The following CDH2 variants were observed in gnomAD, a reference collection of about 807,000 sequenced individuals.
CDH2 encodes cadherin 2.
Under a neutral mutation model 92.0 loss-of-function variants are expected in CDH2, and 17 were observed. The observed-to-expected ratio is 0.18, with a 90% CI of 0.13 to 0.28. The LOEUF (loss-of-function observed/expected upper bound fraction) is 0.28, where lower values mean the gene tolerates loss of function less well. Ranked by LOEUF, CDH2 falls within the 10% of genes least tolerant of loss-of-function variation. The pLI, the probability that CDH2 is intolerant of heterozygous loss-of-function variation, is 1.00. For synonymous variants in CDH2, 419 were observed against 415.9 expected, an observed-to-expected ratio of 1.01 and a Z score of -0.09; for missense variants, 862 against 1,133.1, an observed-to-expected ratio of 0.76 and a Z score of 3.44.
intron 14 of CDH2, among the ~76,000 whole-genome samples, chr18:27,970,210 C>G (rs2011622920): frequency 6.6e-6 from 1 of 152,070 alleles, no homozygotes; most frequent in African/African-American, 2.4e-5. Context: ...AGTTACATTC[C>G]TATAAAGAGA....
At chr18:28,056,447 C>T (rs752415130) in intron 2 of CDH2, among the ~76,000 whole-genome samples, 1 of 152,050 alleles carries the variant, frequency 6.6e-6, no homozygotes, top group Non-Finnish European at 1.5e-5. Flanking sequence ...TGTTTTATCA[C>T]GATGAATCCT....
At chr18:28,172,817 T>C (rs1269577857) in intron 1 of CDH2, among the ~76,000 whole-genome samples, 1 of 152,144 alleles carries the variant, frequency 6.6e-6, no homozygotes, top group East Asian at 1.9e-4. Context: ...ACAACACTTC[T>C]TAAATAACAG....
At chr18:27,936,329 A>G (rs1288628603) in intron 6 of CDH2, among the ~76,000 whole-genome samples, 1 of 152,200 alleles carries the variant, frequency 6.6e-6, no homozygotes, top group Non-Finnish European at 1.5e-5. Flanking sequence ...GCCATGGTGC[A>G]TATTCATGAG....
chr18:27,938,058 C>T (rs1909058006), intron 6 of CDH2, among the ~76,000 whole-genome samples: 1 of 151,846 alleles, frequency 6.6e-6, no homozygotes, highest in African/African-American at 2.4e-5. Context: ...TTTTTGCTGT[C>T]CTCGCGATAG....
chr18:28,001,558 T>C (rs1372989975), intron 7 of CDH2, among the ~76,000 whole-genome samples: 3 of 152,202 alleles, frequency 2.0e-5, no homozygotes, highest in Non-Finnish European at 4.4e-5. Context: ...AAAAATAGTA[T>C]TTCATATAGC....
At chr18:28,059,609 C>T (rs647733) in intron 2 of CDH2, among the ~76,000 whole-genome samples, 82,063 of 152,058 alleles carry the variant, frequency 0.54, 22,929 homozygotes, top group African/African-American at 0.69. Context: ...CAGAGTTCTC[C>T]GAACCTGTTC....
At chr18:28,154,898 C>A (rs931544019) in intron 1 of CDH2, among the ~76,000 whole-genome samples, 1 of 152,176 alleles carries the variant, frequency 6.6e-6, no homozygotes, top group African/African-American at 2.4e-5. Context: ...TTCTTTCTGG[C>A]TCTGAAGACT....
chr18:28,027,511 CTTCT>C (rs1455897393), intron 2 of CDH2, among the ~76,000 whole-genome samples: 1 of 151,760 alleles, frequency 6.6e-6, no homozygotes, highest in Admixed American at 6.6e-5. Flanking sequence ...CTATGTTATT[CTTCT>C]TTAATACAAA....
chr18:27,968,419 AG>A (rs559829075), intron 14 of CDH2, among the ~76,000 whole-genome samples: 106 of 152,294 alleles, frequency 7.0e-4, no homozygotes, highest in Non-Finnish European at 1.2e-3. Context: ...GAAGTGCTGG[AG>A]GGGGGAGTTT....
chr18:28,008,881 T>A (rs951372082), intron 5 of CDH2, among the ~76,000 whole-genome samples: 1 of 152,222 alleles, frequency 6.6e-6, no homozygotes, highest in South Asian at 2.1e-4. Context: ...AGTGATTAAG[T>A]GTAGATGATG....
rs1429699775 is a variant in CDH2 at position 28,013,756 on chromosome 18, T to C, written c.326A>G (p.Lys109Arg). The change falls in exon 3 of 16, where the codon AAA (lysine) becomes AGA (arginine). Residue 109 changes from lysine to arginine, a missense_variant. Physicochemically the swap from Lys to Arg is conservative, Grantham distance 26 (BLOSUM62 2). Coordinates refer to ENST00000269141, the MANE Select transcript of CDH2 (RefSeq NM_001792.5). Reference protein sequence around the residue: ...HAKFLIYAQDKETQEKWQVAV... With the variant: ...HAKFLIYAQDRETQEKWQVAV... ...CACTTGCCACTTTTCCTGGGTCTCT[T>C]TGTCTTGGGCATATATCAGGAACTT... The C allele has an allele frequency of 1.2e-6, 2 of 1,614,044 alleles. No homozygotes were observed.
At chr18:28,010,847 T>C (rs566503103) in intron 4 of CDH2, among the ~76,000 whole-genome samples, 86 of 151,996 alleles carry the variant, frequency 5.7e-4, no homozygotes, top group African/African-American at 2.0e-3. Flanking sequence ...AGACGGGGTT[T>C]CATCGTGTTA....
Position 28,099,655 on chromosome 18 carries a change from C to CTTA in CDH2, c.172+48017_172+48018insTAA, listed in dbSNP as rs1339341829. Among the ~76,000 whole-genome samples, 22 of 152,046 alleles carry CTTA rather than the reference C, an allele frequency of 1.4e-4. No homozygotes were observed. The East Asian group carries it at 4.3e-3, about 29-fold the overall frequency. On this transcript the variant is annotated intron_variant, in intron 2 of 15. Coordinates refer to ENST00000269141, the MANE Select transcript of CDH2 (RefSeq NM_001792.5). ...AGTTAGGGAGAAGAGCAGGTAACCA[C>CTTA]TACATATAAAGATAAAAAATTAAAT... is the stretch of plus-strand genomic sequence containing the variant.
At chr18:28,109,827 A>T (rs1357874616) in intron 2 of CDH2, among the ~76,000 whole-genome samples, 5 of 152,210 alleles carry the variant, frequency 3.3e-5, no homozygotes, top group African/African-American at 1.2e-4. Flanking sequence ...TTCTTACAAT[A>T]ACAAAAAGCA....
intron 2 of CDH2, among the ~76,000 whole-genome samples, chr18:28,054,416 A>C (rs916159736): frequency 2.0e-5 from 3 of 152,234 alleles, no homozygotes; most frequent in Non-Finnish European, 4.4e-5. Context: ...TTTGGAACAC[A>C]GAGGCTAAAA....
chr18:28,146,986 T>G (rs1416085377), intron 2 of CDH2, among the ~76,000 whole-genome samples: 1 of 152,170 alleles, frequency 6.6e-6, no homozygotes, highest in Non-Finnish European at 1.5e-5. Flanking sequence ...GAAAGGGCTT[T>G]CAGTTTTCCT....
chr18:28,158,028 A>C (rs1165906590), intron 1 of CDH2, among the ~76,000 whole-genome samples: 3 of 152,176 alleles, frequency 2.0e-5, no homozygotes, highest in Admixed American at 2.0e-4. Context: ...ATTCATGTAC[A>C]ATTAGGCCCA....
chr18:27,985,790 G>C, intron 11 of CDH2, 29 bp from the exon 12 acceptor site: 1 of 1,307,064 alleles, frequency 7.7e-7, no homozygotes, highest in Non-Finnish European at 1.1e-6. Context: ...CACAAATGAT[G>C]CTGAACAGTT....
At chr18:28,030,824 A>C (rs2013676310) in intron 2 of CDH2, among the ~76,000 whole-genome samples, 2 of 152,020 alleles carry the variant, frequency 1.3e-5, no homozygotes, top group African/African-American at 4.8e-5. Context: ...AGTGCTTAAG[A>C]AAGCCAACAA....
Sources: gnomAD v4.1 joint callset for allele counts (sites outside exome capture counted in the v4.1 genomes callset) on GRCh38, gnomAD v4.1.1 for gene constraint, MANE v1.5 for transcripts, NCBI Gene and HGNC (gene_info 2026-07-23, HGNC 2026-07-21) for gene names.